The following ZNF350 variants were observed in gnomAD, a reference collection of about 807,000 sequenced individuals.
ZNF350 encodes the protein KRAB zinc finger protein ZFQR.
A neutral mutation model predicts 13.1 loss-of-function variants in ZNF350; 5 were observed. That is an observed-to-expected ratio of 0.38 (90% CI 0.20 to 0.80). The LOEUF (loss-of-function observed/expected upper bound fraction) is 0.80. Ranked by LOEUF, ZNF350 falls within the 30% of genes least tolerant of loss-of-function variation. The pLI is 0.43. For synonymous variants in ZNF350, 199 were observed against 224.2 expected (o/e 0.89, Z 1.00); for missense variants, 534 against 644.2 (o/e 0.83, Z 1.85).
rs745348588 is a variant in ZNF350, at chr19:51,965,689, G to C, written c.764C>G (p.Thr255Ser). 4 of 1,614,174 alleles carry C rather than the reference G, an allele frequency of 2.5e-6. No individual in the cohort carries two copies. Among genetic ancestry groups the C allele is most frequent in the Admixed American group, 1.7e-5 (1 of 60,026 alleles). Residue 255 changes from threonine to serine, a missense_variant, in exon 5 of 5, where the codon ACT becomes AGT. Thr to Ser is a moderately conservative substitution (Grantham distance 58, BLOSUM62 1). Transcript: ENST00000243644. The part of the protein sequence containing the change: ...RKFMLTEHQR[T>S]HTGEKPYECP... ...TTCATAAGGTTTTTCTCCTGTATGAGTTCGCTGATGTTCAGTAAGCATGAA... is the reference window on the plus strand; with the variant it reads ...TTCATAAGGTTTTTCTCCTGTATGACTTCGCTGATGTTCAGTAAGCATGAA...
chr19:51,966,637 A>ATTT (rs1157720937), intron 4 of ZNF350, among the ~76,000 whole-genome samples: 10 of 139,656 alleles, frequency 7.2e-5, no homozygotes, highest in African/African-American at 2.7e-4. Flanking sequence ...CAGCCAAAGT[A>ATTT]TTTTTTGTTG....
At position 51,972,359 on chromosome 19, in the gene ZNF350, T is replaced by G. The variant is rs2085765422; in HGVS notation, c.15+1987A>C. On this transcript the variant is annotated intron_variant, in intron 2 of 4. Coordinates refer to ENST00000243644, the MANE Select transcript of ZNF350 (RefSeq NM_021632.4). ...GTAAAAGTAAAAAATAAACTCATAGTCAACCCACCCCCGCCACACACACAC... is the reference window on the plus strand; with the variant it reads ...GTAAAAGTAAAAAATAAACTCATAGGCAACCCACCCCCGCCACACACACAC... Among the ~76,000 whole-genome samples, 3 of 148,724 alleles carry G rather than the reference T, an allele frequency of 2.0e-5. No individual in the cohort carries two copies. In the South Asian group the frequency reaches 6.4e-4, roughly 32 times the overall value.
At chr19:51,978,771 A>T (rs1231707614) in intron 1 of ZNF350, among the ~76,000 whole-genome samples, 12 of 152,132 alleles carry the variant, frequency 7.9e-5, no homozygotes, top group Non-Finnish European at 2.9e-5. Flanking sequence ...CTCAATCAAA[A>T]CTACATTTAG....
rs761519323 is a variant in ZNF350 at position 51,969,002 on chromosome 19, C to A, written c.142+3G>T. The A allele has an allele frequency of 1.2e-6, 2 of 1,613,924 alleles. No homozygotes were observed. Among genetic ancestry groups the A allele is most frequent in the Non-Finnish European group, 1.7e-6 (2 of 1,179,956 alleles). ...CTGAGTGACACAGGGCAGCTGTCCT[C>A]ACCCACTGCCACCAGGTTGCTGTAG... On this transcript the variant is annotated splice_donor_region_variant and intron_variant, in intron 3 of 4. Transcript: ENST00000243644.
At chr19:51,971,134 T>C (rs753250709) in intron 2 of ZNF350, among the ~76,000 whole-genome samples, 1 of 152,188 alleles carries the variant, frequency 6.6e-6, no homozygotes, top group Non-Finnish European at 1.5e-5. Context: ...TGGTGGGAAA[T>C]TGAGTCATTG....
At position 51,965,792 on chromosome 19, in the gene ZNF350, G is replaced by C. The variant is rs1568475628; in HGVS notation, c.661C>G (p.Leu221Val). 1 of 1,614,132 alleles carries C rather than the reference G, an allele frequency of 6.2e-7. No individual in the cohort carries two copies. The highest frequency in any genetic ancestry group is 2.2e-5 in the East Asian group (1 of 44,882). Residue 221 changes from leucine (L) to valine (V), a missense_variant, in exon 5 of 5, where the codon CTA (leucine) becomes GTA (valine). By Grantham distance (32) the Leu-to-Val change is conservative. Transcript: ENST00000243644. ...GTATGCATTACCTGGTGATCAGTTA[G>C]CCAAGACTTCTTGATGAAGGCTTTC... ...CGKAFIKKSW[L>V]TDHQVMHTGE...
Position 51,964,649 on chromosome 19 carries a change from A to C in ZNF350, c.*205T>G, listed in dbSNP as rs1486137542. 1.8e-6 allele frequency: 1 copy of C among 570,922 alleles called. No homozygotes were observed. The highest frequency in any genetic ancestry group is 3.0e-6 in the Non-Finnish European group (1 of 334,210). 35.4% of individuals were successfully genotyped at this position (570,922 alleles called of 1,614,324 possible). On this transcript the variant is annotated 3_prime_UTR_variant, in exon 5 of 5. Transcript: ENST00000243644. ...AAAAGTACTTGGGCTTCCTTTACTC[A>C]TTTAATTGACACAGTCGAGCAATTG...
intron 1 of ZNF350, among the ~76,000 whole-genome samples, chr19:51,978,048 C>T (rs915729652): frequency 7.9e-5 from 12 of 152,172 alleles, no homozygotes; most frequent in Non-Finnish European, 1.5e-4. Flanking sequence ...ACTCTGTACT[C>T]GCCATAACAA....
At chr19:51,980,677 T>C (rs1433339517) in intron 1 of ZNF350, among the ~76,000 whole-genome samples, 1 of 152,216 alleles carries the variant, frequency 6.6e-6, no homozygotes, top group Non-Finnish European at 1.5e-5. Context: ...TGAGTATCCG[T>C]GGGACCTTGT....
intron 1 of ZNF350, among the ~76,000 whole-genome samples, chr19:51,975,470 G>A (rs1207221728): frequency 7.5e-6 from 1 of 132,774 alleles, no homozygotes; most frequent in Non-Finnish European, 1.6e-5. Context: ...TTGTTTTAAA[G>A]TACGTAAGTT....
chr19:51,972,176 A>G (rs995310182), intron 2 of ZNF350, among the ~76,000 whole-genome samples: 7 of 151,970 alleles, frequency 4.6e-5, no homozygotes, highest in Admixed American at 3.9e-4. Flanking sequence ...AAAATTACCA[A>G]GAGGGCCAGG....
chr19:51,968,853 A>G, intron 3 of ZNF350, 152 bp downstream of exon 3: 1 of 1,512,140 alleles, frequency 6.6e-7, no homozygotes. Context: ...CTCTTACAAG[A>G]GGGTAGATTA....
rs1335210237 is a variant in ZNF350 at position 51,974,492 on chromosome 19, C to G, written c.-132G>C. On this transcript the variant is annotated 5_prime_UTR_variant, in exon 2 of 5. Coordinates refer to ENST00000243644, the MANE Select transcript of ZNF350 (RefSeq NM_021632.4). ...TGGTGAACCCCAAATCCACTTCCTCCCTCTTCAGGTTATGTTTTTTGCTCC... is the reference window on the plus strand; with the variant it reads ...TGGTGAACCCCAAATCCACTTCCTCGCTCTTCAGGTTATGTTTTTTGCTCC... 1 of 1,073,848 alleles carries G rather than the reference C, an allele frequency of 9.3e-7. No homozygotes were observed. Among genetic ancestry groups the G allele is most frequent in the Non-Finnish European group, 1.4e-6 (1 of 721,578 alleles). The allele number at this position is 1,073,848 out of a possible 1,614,324, so 66.5% of individuals were successfully genotyped here.
rs369158170 is a variant in ZNF350, at chr19:51,968,638, A to T, written c.178T>A (p.Leu60Met). 3 of 1,614,072 alleles carry T rather than the reference A, an allele frequency of 1.9e-6. No individual in the cohort carries two copies. In the South Asian group the frequency reaches 3.3e-5, roughly 18 times the overall value. ...QASKPDALFK[L>M]EQGEQLWTIE... ...GTCCACAGTTGTTCTCCTTGTTCCA[A>T]CTTGAAGAGTGCATCCGGTTTGCTG... is the stretch of plus-strand genomic sequence containing the variant. Residue 60 changes from leucine to methionine, a missense_variant, in exon 4 of 5, where the codon TTG becomes ATG. Transcript: ENST00000243644.
chr19:51,969,777 T>C (rs1458782477), intron 2 of ZNF350, among the ~76,000 whole-genome samples: 1 of 152,188 alleles, frequency 6.6e-6, no homozygotes, highest in Non-Finnish European at 1.5e-5. Flanking sequence ...TACACTGAGT[T>C]ATGACCATGC....
At chr19:51,968,395 T>TTTTTG (rs1217326728) in intron 4 of ZNF350, 183 bp downstream of exon 4, 5 of 606,208 alleles carry the variant, frequency 8.2e-6, no homozygotes, top group Non-Finnish European at 1.2e-5. Flanking sequence ...AGATAAAGAG[T>TTTTTG]TTTTGTTTTG....
At chr19:51,984,486 AC>A (rs763860465) in intron 1 of ZNF350, among the ~76,000 whole-genome samples, 19 of 152,212 alleles carry the variant, frequency 1.2e-4, no homozygotes, top group Non-Finnish European at 2.4e-4. Context: ...CGGAGTTTAT[AC>A]ACACTCTATG....
At chr19:51,972,223 A>G (rs2085757147) in intron 2 of ZNF350, among the ~76,000 whole-genome samples, 1 of 150,218 alleles carries the variant, frequency 6.7e-6, no homozygotes, top group South Asian at 2.2e-4. Flanking sequence ...GCACTTTGGG[A>G]GGCAGGAGGA....
chr19:51,975,064 TAGG>T (rs1410560056), intron 1 of ZNF350, among the ~76,000 whole-genome samples: 2 of 152,186 alleles, frequency 1.3e-5, no homozygotes, highest in Admixed American at 1.3e-4. Context: ...ACTGGATAAT[TAGG>T]TGGTGAATAA....
Sources: gnomAD v4.1 joint callset for allele counts (sites outside exome capture counted in the v4.1 genomes callset) on GRCh38, gnomAD v4.1.1 for gene constraint, MANE v1.5 for transcripts, NCBI Gene and HGNC (gene_info 2026-07-23, HGNC 2026-07-21) for gene names.